ZFAND3: variants seen among roughly 807,000 people sequenced by gnomAD.
ZFAND3 encodes AN1-type zinc finger protein 3.
ZFAND3 carries 10 observed loss-of-function variants against 29.6 expected under a neutral mutation model. The observed-to-expected ratio is 0.34, with a 90% CI of 0.21 to 0.57. The LOEUF (loss-of-function observed/expected upper bound fraction) is 0.57. ZFAND3 is among the 20% of genes least tolerant of loss of function. ZFAND3 has a pLI of 0.86. For missense variants in ZFAND3, 230 were observed against 304.5 expected (o/e 0.76, Z 1.82); for synonymous variants, 128 against 112.6 (o/e 1.14, Z -0.87).
At chr6:37,920,062 T>TTC (rs1761348137) in intron 1 of ZFAND3, among the ~76,000 whole-genome samples, 1 of 150,736 alleles carries the variant, frequency 6.6e-6, no homozygotes, top group Non-Finnish European at 1.5e-5. Context: ...CTTTTTTTTT[T>TTC]TTTTTTTTTT....
At chr6:37,999,392 T>A (rs1375769166) in intron 2 of ZFAND3, among the ~76,000 whole-genome samples, 1 of 152,220 alleles carries the variant, frequency 6.6e-6, no homozygotes, top group Admixed American at 6.5e-5. Flanking sequence ...GGAGCCTGAC[T>A]CTCTGTTCCT....
intron 3 of ZFAND3, among the ~76,000 whole-genome samples, chr6:38,075,589 C>CA (rs1435664790): frequency 1.3e-5 from 2 of 152,058 alleles, no homozygotes; most frequent in Non-Finnish European, 2.9e-5. Context: ...GAAATGGCAA[C>CA]AAAAAATCTA....
intron 1 of ZFAND3, among the ~76,000 whole-genome samples, chr6:37,867,629 C>G (rs549332239): frequency 6.6e-6 from 1 of 152,026 alleles, no homozygotes; most frequent in South Asian, 2.1e-4. Flanking sequence ...TTTTTTTGAT[C>G]AGCTAATGAA....
chr6:37,835,952 TA>T (rs1273034809), intron 1 of ZFAND3, among the ~76,000 whole-genome samples: 1 of 152,246 alleles, frequency 6.6e-6, no homozygotes, highest in Non-Finnish European at 1.5e-5. Context: ...ATTATTATGC[TA>T]CAAAAGTAGC....
rs563094173 is a variant in ZFAND3 at position 38,125,394 on chromosome 6, C to T, written c.529+8655C>T. On this transcript the variant is annotated intron_variant, in intron 5 of 5. Transcript: ENST00000287218. ...GGACTGTCCCAGAGACCCAGCCTACCCTATGTTCTTTGACAGGGCTGTAGA... is the reference window on the plus strand; with the variant it reads ...GGACTGTCCCAGAGACCCAGCCTACTCTATGTTCTTTGACAGGGCTGTAGA... 2.0e-5 allele frequency among the ~76,000 whole-genome samples: 3 copies of T among 152,258 alleles called. No homozygotes were observed. In the South Asian group the frequency reaches 6.2e-4, roughly 32 times the overall value.
chr6:38,023,890 G>C (rs1763397655), intron 2 of ZFAND3, among the ~76,000 whole-genome samples: 1 of 152,160 alleles, frequency 6.6e-6, no homozygotes, highest in Non-Finnish European at 1.5e-5. Context: ...GCAGTGGTAT[G>C]TGTATGTAGT....
chr6:38,077,723 T>C (rs1009771149), intron 3 of ZFAND3, among the ~76,000 whole-genome samples: 8 of 152,216 alleles, frequency 5.3e-5, no homozygotes, highest in Non-Finnish European at 1.0e-4. Flanking sequence ...AACAAAACTT[T>C]TCAGAGTAGA....
chr6:38,125,728 AATT>A (rs1765621965), intron 5 of ZFAND3, among the ~76,000 whole-genome samples: 1 of 152,188 alleles, frequency 6.6e-6, no homozygotes, highest in Non-Finnish European at 1.5e-5. Context: ...TGGGGAGAAA[AATT>A]ATTATAAAAG....
rs369456178 is a variant in ZFAND3, at chr6:37,970,766, G to A, written c.112+40767G>A. Among the ~76,000 whole-genome samples, 306 of 152,154 alleles carry A rather than the reference G, an allele frequency of 2.0e-3. 1 individual carries two copies. The highest frequency in any genetic ancestry group is 6.8e-3 in the African/African-American group (282 of 41,500). On this transcript the variant is annotated intron_variant, in intron 2 of 5. Coordinates refer to ENST00000287218, the MANE Select transcript of ZFAND3 (RefSeq NM_021943.3). Reference sequence around the variant, plus strand: ...AAAATATAAAAAAAATTAGCCGGCCGTGGTGGCGGGCGCCTGTAGTCCCAG... The same window carrying A: ...AAAATATAAAAAAAATTAGCCGGCCATGGTGGCGGGCGCCTGTAGTCCCAG...
At chr6:38,113,887 G>A (rs1391685552) in intron 4 of ZFAND3, among the ~76,000 whole-genome samples, 1 of 152,202 alleles carries the variant, frequency 6.6e-6, no homozygotes, top group Non-Finnish European at 1.5e-5. Flanking sequence ...CAGATGAACA[G>A]CATGTTTGAC....
intron 1 of ZFAND3, among the ~76,000 whole-genome samples, chr6:37,847,091 T>C (rs188457100): frequency 6.6e-6 from 1 of 152,328 alleles, no homozygotes; most frequent in Non-Finnish European, 1.5e-5. Flanking sequence ...AATTATTGGC[T>C]TTACTAAAAG....
chr6:37,917,613 A>G (rs1581759810), intron 1 of ZFAND3, among the ~76,000 whole-genome samples: 1 of 152,244 alleles, frequency 6.6e-6, no homozygotes, highest in Non-Finnish European at 1.5e-5. Flanking sequence ...TTATAACCAG[A>G]TAATTTTCTC....
At chr6:37,933,773 G>C (rs1761640852) in intron 2 of ZFAND3, among the ~76,000 whole-genome samples, 1 of 150,908 alleles carries the variant, frequency 6.6e-6, no homozygotes, top group East Asian at 1.9e-4. Context: ...TTGTTTGTTT[G>C]TTTGTTTTTT....
At chr6:38,052,229 T>C (rs569866145) in intron 2 of ZFAND3, among the ~76,000 whole-genome samples, 1 of 152,302 alleles carries the variant, frequency 6.6e-6, no homozygotes, top group African/African-American at 2.4e-5. Flanking sequence ...GCTTTGTGAT[T>C]TAAATCTAAG....
chr6:37,970,597 T>C (rs1050585062), intron 2 of ZFAND3, among the ~76,000 whole-genome samples: 1 of 152,122 alleles, frequency 6.6e-6, no homozygotes, highest in African/African-American at 2.4e-5. Context: ...CTCCCCGTGA[T>C]TTTAAAAAAC....
intron 1 of ZFAND3, among the ~76,000 whole-genome samples, chr6:37,881,012 A>G (rs867881439): frequency 5.2e-5 from 6 of 115,438 alleles, no homozygotes; most frequent in Non-Finnish European, 8.4e-5. Context: ...AGAGTATAAA[A>G]AAAAAAAAAA....
chr6:37,894,190 G>A (rs1219685890), intron 1 of ZFAND3, among the ~76,000 whole-genome samples: 1 of 152,140 alleles, frequency 6.6e-6, no homozygotes, highest in East Asian at 1.9e-4. Flanking sequence ...AGGAGGTGGA[G>A]GTTGCAGTGA....
At position 38,007,319 on chromosome 6, in the gene ZFAND3, G is replaced by T. The variant is rs546579043; in HGVS notation, c.113-54274G>T. 1.1e-4 allele frequency among the ~76,000 whole-genome samples: 17 copies of T among 152,192 alleles called. No homozygotes were observed. The East Asian group carries it at 3.1e-3, about 28-fold the overall frequency. ...ACATGCCTGTAATCCTAGCACTTTG[G>T]GAGGCCAAGGCAGGAGGATCGCTTG... On this transcript the variant is annotated intron_variant, in intron 2 of 5. Coordinates refer to ENST00000287218, the MANE Select transcript of ZFAND3 (RefSeq NM_021943.3).
At chr6:37,879,533 G>A (rs764443113) in intron 1 of ZFAND3, among the ~76,000 whole-genome samples, 35 of 152,012 alleles carry the variant, frequency 2.3e-4, no homozygotes, top group Admixed American at 6.6e-4. Flanking sequence ...AAATATATAG[G>A]TATATCTGTG....
Sources: gnomAD v4.1 joint callset for allele counts (sites outside exome capture counted in the v4.1 genomes callset) on GRCh38, gnomAD v4.1.1 for gene constraint, MANE v1.5 for transcripts, NCBI Gene and HGNC (gene_info 2026-07-23, HGNC 2026-07-21) for gene names.